PSIP1: variants seen among roughly 807,000 people sequenced by gnomAD.
PSIP1 encodes PC4 and SRSF1 interacting protein 1.
In PSIP1, 19 loss-of-function variants were observed where a neutral mutation model predicts 74.7. The observed-to-expected ratio is 0.25, with a 90% confidence interval of 0.18 to 0.37. The LOEUF is 0.37. Among genes scored for constraint, PSIP1 ranks in the 10% least tolerant of loss-of-function variants. The pLI is 1.00. For synonymous variants in PSIP1, 222 were observed against 195.3 expected (o/e 1.14, Z -1.14); for missense variants, 601 against 614.3 (o/e 0.98, Z 0.23).
intron 9 of PSIP1, 71 bp downstream of exon 9, chr9:15,473,911 AAAACAAAAAAAAAAACAAAAAAAAAAC>A (rs1462575729): frequency 7.2e-5 from 62 of 865,834 alleles, no homozygotes; most frequent in African/African-American, 6.1e-4. Flanking sequence ...AAACAAAAAA[AAAACAAAAAAAAAAACAAAAAAAAAAC>A]AAAGAAAAAA....
chr9:15,501,495 C>T (rs576646576), intron 3 of PSIP1, among the ~76,000 whole-genome samples: 72 of 152,118 alleles, frequency 4.7e-4, no homozygotes, highest in African/African-American at 1.6e-3. Flanking sequence ...GAAGGCATAA[C>T]CTTCCCCGCA....
rs369034383 is a variant in PSIP1, at chr9:15,506,650, T to C, written c.73-13A>G. 9.0e-4 allele frequency: 1,425 copies of C among 1,581,068 alleles called. 1 individual carries two copies. The highest frequency in any genetic ancestry group is 1.2e-3 in the Non-Finnish European group (1,345 of 1,151,508). ...GAACTTCGTCTACCTAAAAGAAAAG[T>C]GAGAAAAATTAAAATATTTTAAATC... On this transcript the variant is annotated splice_polypyrimidine_tract_variant and intron_variant, in intron 2 of 15. Coordinates refer to ENST00000380733, the MANE Select transcript of PSIP1 (RefSeq NM_033222.5).
intron 7 of PSIP1, among the ~76,000 whole-genome samples, chr9:15,478,898 C>T (rs999888382): frequency 2.0e-5 from 3 of 151,936 alleles, no homozygotes; most frequent in African/African-American, 7.2e-5. Context: ...TATTATATTA[C>T]TTATGCAGTT....
At chr9:15,510,648 G>A (rs2037826834) in intron 1 of PSIP1, among the ~76,000 whole-genome samples, 169 bp downstream of exon 1, 1 of 152,156 alleles carries the variant, frequency 6.6e-6, no homozygotes. Flanking sequence ...GGGATTCCGA[G>A]AAGCGAGCGG....
At chr9:15,484,911 C>CAAAAA (rs59867087) in intron 6 of PSIP1, among the ~76,000 whole-genome samples, 1 of 81,886 alleles carries the variant, frequency 1.2e-5, no homozygotes, top group African/African-American at 4.5e-5. Context: ...AGATCCGTCT[C>CAAAAA]AAAAAAAAAA....
In PSIP1 at chr9:15,466,229, A is replaced by AT. The variant is rs1386947709; in HGVS notation, c.1532+518dup. Among the ~76,000 whole-genome samples the AT allele has an allele frequency of 3.3e-5, 5 of 152,202 alleles. 1 individual carries two copies. The East Asian group carries it at 9.6e-4, about 29-fold the overall frequency. On this transcript the variant is annotated intron_variant, in intron 15 of 15. Coordinates refer to ENST00000380733, the MANE Select transcript of PSIP1 (RefSeq NM_033222.5). The stretch of plus-strand genomic sequence containing the variant: ...CTCATCTCTACTAAAAATACAAAAA[A>AT]TTAGATGGGCGTGGTGGCAGGTGCC...
intron 6 of PSIP1, among the ~76,000 whole-genome samples, chr9:15,485,199 A>G (rs1224067356): frequency 3.3e-5 from 5 of 152,120 alleles, no homozygotes; most frequent in Admixed American, 2.6e-4. Context: ...TTTGGTACCC[A>G]TTTCCCTCAG....
rs58019501 is a variant in PSIP1, at chr9:15,470,934, T to TAAAAAA, written c.978-947_978-942dup. ...CACAAAGCTTCATTTTAAGCTTGGT[T>TAAAAAA]AAAAAAAAAAAAAAAAAAAAAAAAC... On this transcript the variant is annotated intron_variant, in intron 10 of 15. Transcript: ENST00000380733. 14 of 937,474 alleles carry TAAAAAA rather than the reference T, an allele frequency of 1.5e-5. No individual in the cohort carries two copies. In the African/African-American group the frequency reaches 2.4e-4, roughly 16 times the overall value. The allele number at this position is 937,474 out of a possible 1,614,324, so 58.1% of individuals were successfully genotyped here.
rs1359859699 is a variant in PSIP1, at chr9:15,505,272, G to A, written c.149+1289C>T. 5 of 152,216 alleles carry A rather than the reference G, an allele frequency of 3.3e-5. No individual in the cohort carries two copies. In the East Asian group the frequency reaches 9.6e-4, roughly 29 times the overall value. 9.4% of individuals were successfully genotyped at this position (152,216 alleles called of 1,614,324 possible). A position where few individuals can be genotyped will look rare whatever the true frequency, so the allele number is the denominator to read the frequency against. On this transcript the variant is annotated intron_variant, in intron 3 of 15. Coordinates refer to ENST00000380733, the MANE Select transcript of PSIP1 (RefSeq NM_033222.5). The stretch of plus-strand genomic sequence containing the variant: ...ATTTTAATTAAAGTTCGCAAGAGAT[G>A]CTAATGGTGCTAGACCTGACAACAC...
intron 10 of PSIP1, chr9:15,472,107 A>T (rs2035862152): frequency 1.0e-6 from 1 of 983,710 alleles, no homozygotes; most frequent in African/African-American, 1.8e-5. Flanking sequence ...AATTTAAGAG[A>T]AAACAGCTTT....
At chr9:15,488,303 C>G (rs1472965702) in intron 4 of PSIP1, among the ~76,000 whole-genome samples, 2 of 152,102 alleles carry the variant, frequency 1.3e-5, no homozygotes, top group Non-Finnish European at 2.9e-5. Context: ...TGCACTCCAG[C>G]CGGGGTGACA....
intron 3 of PSIP1, chr9:15,504,848 G>A (rs946811090): frequency 6.6e-6 from 1 of 151,826 alleles, no homozygotes; most frequent in Non-Finnish European, 1.5e-5. Context: ...CATTACTACA[G>A]TATTTCCAAA....
intron 15 of PSIP1, 50 bp downstream of exon 15, chr9:15,466,695 TAAA>T (rs563230930): frequency 7.0e-7 from 1 of 1,420,678 alleles, no homozygotes; most frequent in African/African-American, 1.5e-5. Flanking sequence ...GAACTGTGAT[TAAA>T]AACCTGAATA....
At chr9:15,488,345 A>AAC (rs1563884226) in intron 4 of PSIP1, among the ~76,000 whole-genome samples, 24 of 151,812 alleles carry the variant, frequency 1.6e-4, no homozygotes, top group Admixed American at 2.6e-4. Flanking sequence ...ACAACAACAA[A>AAC]AAAAAGAGTA....
intron 2 of PSIP1, among the ~76,000 whole-genome samples, chr9:15,509,068 C>A (rs2037730805): frequency 6.6e-6 from 1 of 152,200 alleles, no homozygotes; most frequent in South Asian, 2.1e-4. Flanking sequence ...ATGGCACTCT[C>A]AGCTCCTAGA....
At chr9:15,507,952 C>A (rs1475741341) in intron 2 of PSIP1, among the ~76,000 whole-genome samples, 1 of 152,178 alleles carries the variant, frequency 6.6e-6, no homozygotes, top group Non-Finnish European at 1.5e-5. Flanking sequence ...GTGGGAATGT[C>A]CCGATAATTG....
At chr9:15,488,793 G>A (rs939346149) in intron 4 of PSIP1, among the ~76,000 whole-genome samples, 5 of 152,080 alleles carry the variant, frequency 3.3e-5, no homozygotes, top group South Asian at 2.1e-4. Context: ...GGGCCGAGGC[G>A]GGCGGATCAC....
Position 15,490,053 on chromosome 9 carries a change from C to T in PSIP1, c.221G>A (p.Arg74Lys). Residue 74 changes from arginine to lysine, a missense_variant, in exon 4 of 16, where the codon AGA becomes AAA. Coordinates refer to ENST00000380733, the MANE Select transcript of PSIP1 (RefSeq NM_033222.5). ...NKEKYGKPNK[R>K]KGFNEGLWEI... ...CCATAAACCTTCATTAAAACCTTTTCTTTTATTTGGTTTGCCATACTTTTC... is the reference window on the plus strand; with the variant it reads ...CCATAAACCTTCATTAAAACCTTTTTTTTTATTTGGTTTGCCATACTTTTC... The T allele has an allele frequency of 6.2e-7, 1 of 1,605,980 alleles. No homozygotes were observed. The highest frequency in any genetic ancestry group is 8.5e-7 in the Non-Finnish European group (1 of 1,176,204).
At chr9:15,472,997 A>C (rs141591228) in intron 9 of PSIP1, among the ~76,000 whole-genome samples, 1 of 152,226 alleles carries the variant, frequency 6.6e-6, no homozygotes, top group African/African-American at 2.4e-5. Context: ...AAAATATAGT[A>C]TGTCAGTCTG....
Sources: allele counts gnomAD v4.1 joint callset (sites outside exome capture counted in the v4.1 genomes callset), GRCh38; gene constraint gnomAD v4.1.1; transcripts MANE v1.5; gene names NCBI Gene and HGNC (gene_info 2026-07-23, HGNC 2026-07-21).